Variants in CSMD1 observed in about 807,000 individuals in gnomAD.
CSMD1 encodes CUB and sushi domain-containing protein 1.
Under a neutral mutation model 417.5 loss-of-function variants are expected in CSMD1, and 213 were observed. That is an observed-to-expected ratio of 0.51 (90% CI 0.46 to 0.57). The LOEUF (loss-of-function observed/expected upper bound fraction) is 0.57. Ranked by LOEUF, CSMD1 falls within the 20% of genes least tolerant of loss-of-function variation. CSMD1 has a pLI of 0.00. For missense variants in CSMD1, 6,923 were observed against 4,529.7 expected (o/e 1.53, Z -15.17); for synonymous variants, 2,862 against 1,736.8 (o/e 1.65, Z -16.11).
intron 69 of CSMD1, among the ~76,000 whole-genome samples, chr8:2,939,373 C>G (rs1359128626): frequency 6.6e-6 from 1 of 152,154 alleles, no homozygotes; most frequent in Non-Finnish European, 1.5e-5. Flanking sequence ...TATTTTGCCT[C>G]TGTTGAGTTA....
intron 3 of CSMD1, among the ~76,000 whole-genome samples, chr8:4,401,904 T>TAG (rs1804669941): frequency 6.6e-6 from 1 of 152,130 alleles, no homozygotes; most frequent in African/African-American, 2.4e-5. Flanking sequence ...TACTCACATG[T>TAG]AGATCCTCTT....
rs539759412 is a variant in CSMD1, at chr8:3,100,255, T to C, written c.6950-3218A>G. 1.4e-3 allele frequency among the ~76,000 whole-genome samples: 207 copies of C among 152,280 alleles called. 1 individual carries two copies. Among genetic ancestry groups the C allele is most frequent in the African/African-American group, 4.6e-3 (192 of 41,560 alleles). On this transcript the variant is annotated intron_variant, in intron 46 of 69. Coordinates refer to ENST00000635120, the MANE Select transcript of CSMD1 (RefSeq NM_033225.6). ...TTATTTTAGAAATGTTGTTTTGCCA[T>C]TTTGCCCAGGCTGGTCTCCAACTCC...
rs200693127 is a variant in CSMD1, at chr8:4,172,080, AG to A, written c.416-139982del. On this transcript the variant is annotated intron_variant, in intron 3 of 69. Transcript: ENST00000635120. The stretch of plus-strand genomic sequence containing the variant: ...CTTAAAGTATCTCTTTCTCAGGGGA[AG>A]GCGTATCACGGAGAGTTTATCATGC... Among the ~76,000 whole-genome samples, 1,051 of 152,286 alleles carry A rather than the reference AG, an allele frequency of 6.9e-3. 16 individuals carry two copies. The highest frequency in any genetic ancestry group is 0.024 in the African/African-American group (1,017 of 41,530).
intron 1 of CSMD1, among the ~76,000 whole-genome samples, chr8:4,800,794 C>T (rs983780786): frequency 3.9e-5 from 6 of 152,306 alleles, no homozygotes; most frequent in African/African-American, 1.4e-4. Context: ...AGGTGGGTTT[C>T]GGGACCTGGG....
chr8:4,082,441 G>C (rs886241653), intron 3 of CSMD1, among the ~76,000 whole-genome samples: 5 of 152,052 alleles, frequency 3.3e-5, no homozygotes, highest in African/African-American at 9.7e-5. Flanking sequence ...TGAAAATAGA[G>C]GAAGGGCAAA....
At chr8:4,222,475 C>T (rs1258837020) in intron 3 of CSMD1, among the ~76,000 whole-genome samples, 1 of 152,064 alleles carries the variant, frequency 6.6e-6, no homozygotes, top group African/African-American at 2.4e-5. Context: ...CATATGTTCT[C>T]AGTAAGTCAG....
intron 49 of CSMD1, among the ~76,000 whole-genome samples, chr8:3,055,298 T>A (rs888131543): frequency 6.6e-6 from 1 of 152,196 alleles, no homozygotes; most frequent in African/African-American, 2.4e-5. Context: ...AGACAACCCA[T>A]TTTATGTTGC....
intron 2 of CSMD1, among the ~76,000 whole-genome samples, chr8:4,594,543 G>C (rs182833989): frequency 6.6e-6 from 1 of 151,966 alleles, no homozygotes; most frequent in Non-Finnish European, 1.5e-5. Context: ...TGAGTTATTG[G>C]GATTTAGGAA....
chr8:4,326,431 G>C (rs1035860685), intron 3 of CSMD1, among the ~76,000 whole-genome samples: 1 of 152,138 alleles, frequency 6.6e-6, no homozygotes, highest in Admixed American at 6.5e-5. Context: ...CAATTAGGCA[G>C]CTACTGAGCA....
At chr8:4,161,128 A>G (rs1797133081) in intron 3 of CSMD1, among the ~76,000 whole-genome samples, 1 of 152,180 alleles carries the variant, frequency 6.6e-6, no homozygotes, top group East Asian at 1.9e-4. Flanking sequence ...ATGTAAAAAA[A>G]AAAAAGTCAT....
intron 3 of CSMD1, among the ~76,000 whole-genome samples, chr8:4,298,077 G>C (rs879316543): frequency 6.6e-6 from 1 of 152,020 alleles, no homozygotes; most frequent in East Asian, 1.9e-4. Context: ...GCGTCTCTCT[G>C]GTGAAAACCC....
chr8:4,034,845 G>A (rs1273528872), intron 3 of CSMD1, among the ~76,000 whole-genome samples: 1 of 152,070 alleles, frequency 6.6e-6, no homozygotes, highest in Non-Finnish European at 1.5e-5. Context: ...CCAGATAATT[G>A]TTCCCCAAAG....
At chr8:4,850,039 T>C (rs1186022745) in intron 1 of CSMD1, among the ~76,000 whole-genome samples, 2 of 152,194 alleles carry the variant, frequency 1.3e-5, no homozygotes, top group East Asian at 3.8e-4. Context: ...GTTACGTACG[T>C]ACTATACTTG....
At chr8:2,990,545 G>A (rs1439554198) in intron 54 of CSMD1, among the ~76,000 whole-genome samples, 1 of 151,992 alleles carries the variant, frequency 6.6e-6, no homozygotes, top group Non-Finnish European at 1.5e-5. Flanking sequence ...CTATACGATC[G>A]ACTTGCTAAT....
intron 3 of CSMD1, among the ~76,000 whole-genome samples, chr8:4,408,409 C>G (rs1417798186): frequency 6.6e-6 from 1 of 152,188 alleles, no homozygotes; most frequent in Non-Finnish European, 1.5e-5. Flanking sequence ...AAAGGATTCT[C>G]CATTGATCAG....
intron 3 of CSMD1, among the ~76,000 whole-genome samples, chr8:4,261,390 G>A (rs866907598): frequency 6.6e-6 from 1 of 152,240 alleles, no homozygotes; most frequent in East Asian, 1.9e-4. Flanking sequence ...AATCAGAATG[G>A]TAGTTGCCAG....
At chr8:4,185,780 A>G (rs1269204273) in intron 3 of CSMD1, among the ~76,000 whole-genome samples, 1 of 152,214 alleles carries the variant, frequency 6.6e-6, no homozygotes, top group African/African-American at 2.4e-5. Context: ...TACCAGTGGA[A>G]ATGTGTAAGA....
chr8:3,633,253 T>G (rs532683982), intron 7 of CSMD1, among the ~76,000 whole-genome samples: 2 of 152,340 alleles, frequency 1.3e-5, no homozygotes, highest in East Asian at 3.9e-4. Context: ...TAAATTACTC[T>G]GACACTGAGA....
At chr8:4,887,651 G>T (rs900147808) in intron 1 of CSMD1, among the ~76,000 whole-genome samples, 5 of 151,562 alleles carry the variant, frequency 3.3e-5, no homozygotes, top group East Asian at 1.9e-4. Context: ...TAATTCTACT[G>T]GTTTTGCTTT....
Sources: allele counts gnomAD v4.1 joint callset (sites outside exome capture counted in the v4.1 genomes callset), GRCh38; gene constraint gnomAD v4.1.1; transcripts MANE v1.5; gene names NCBI Gene and HGNC (gene_info 2026-07-23, HGNC 2026-07-21).